ITPR1: variants seen among roughly 807,000 people sequenced by gnomAD.
ITPR1 encodes inositol 1,4,5-trisphosphate-gated calcium channel ITPR1.
A neutral mutation model predicts 318.4 loss-of-function variants in ITPR1; 96 were observed. The ratio of observed to expected loss-of-function variants is 0.30; its 90% CI spans 0.26 to 0.36. The LOEUF is 0.36. Among genes scored for constraint, ITPR1 ranks in the 10% least tolerant of loss-of-function variants. The pLI is 1.00. For missense variants in ITPR1, 2,440 were observed against 3,460.2 expected, an observed-to-expected ratio of 0.71 and a Z score of 7.40; for synonymous variants, 1,312 against 1,289.9, an observed-to-expected ratio of 1.02 and a Z score of -0.37.
rs1289172240 is a variant in ITPR1, at chr3:4,710,443, G to A, written c.4961G>A (p.Arg1654Lys). ...TTCCCAGAGAACACAGACGCCAGAA[G>A]GAAATGTGAAAGTGGCGGTTTCATT... ...LLFPENTDAR[R>K]KCESGGFICK... The change falls in exon 38 of 62, where the codon AGG becomes AAG. Residue 1654 changes from arginine (R) to lysine (K), a missense_variant. Coordinates refer to ENST00000649015, the MANE Select transcript of ITPR1 (RefSeq NM_001378452.1). This position sits in a 1 kb window ranked among gnomAD's most constrained non-coding sequence, Gnocchi z 4.2. 2.6e-6 allele frequency: 4 copies of A among 1,554,190 alleles called. No homozygotes were observed. Among genetic ancestry groups the A allele is most frequent in the East Asian group, 2.4e-5 (1 of 41,180 alleles).
intron 39 of ITPR1, among the ~76,000 whole-genome samples, chr3:4,714,952 T>C (rs936360540): frequency 6.6e-6 from 1 of 152,232 alleles, no homozygotes; most frequent in South Asian, 2.1e-4. Context: ...TTCACTAGTT[T>C]CCTAGATTAT....
chr3:4,544,395 C>T (rs2084764935), intron 4 of ITPR1, among the ~76,000 whole-genome samples: 1 of 152,208 alleles, frequency 6.6e-6, no homozygotes, highest in Admixed American at 6.5e-5. Flanking sequence ...CTTACTCTAG[C>T]CATCTCAAAT....
At chr3:4,587,697 G>A (rs2090041562) in intron 4 of ITPR1, among the ~76,000 whole-genome samples, 1 of 152,108 alleles carries the variant, frequency 6.6e-6, no homozygotes, top group Non-Finnish European at 1.5e-5. Flanking sequence ...ACAACCTACT[G>A]GAGGTAATTG....
chr3:4,808,160 AC>A (rs1292688013), intron 55 of ITPR1, among the ~76,000 whole-genome samples: 1 of 152,216 alleles, frequency 6.6e-6, no homozygotes. Flanking sequence ...GGAGCACATT[AC>A]AGGGACAGCC....
At chr3:4,767,969 C>T (rs1373815199) in intron 45 of ITPR1, among the ~76,000 whole-genome samples, 1 of 152,186 alleles carries the variant, frequency 6.6e-6, no homozygotes, top group Admixed American at 6.5e-5. Flanking sequence ...GTGGAGCCAG[C>T]ATTCGAACCC....
intron 36 of ITPR1, among the ~76,000 whole-genome samples, chr3:4,704,041 G>A (rs1014357435): frequency 5.3e-5 from 8 of 152,162 alleles, no homozygotes; most frequent in African/African-American, 1.9e-4. Flanking sequence ...CACTTAAAGT[G>A]GGAGCTAAAT....
chr3:4,502,819 C>T (rs151087805), intron 2 of ITPR1, among the ~76,000 whole-genome samples: 8 of 152,002 alleles, frequency 5.3e-5, no homozygotes, highest in African/African-American at 9.7e-5. Flanking sequence ...TCGTGGCTCA[C>T]GCCTGTAATC....
intron 61 of ITPR1, among the ~76,000 whole-genome samples, chr3:4,842,657 G>A (rs941273974): frequency 4.6e-5 from 7 of 152,168 alleles, no homozygotes; most frequent in Admixed American, 1.3e-4. Flanking sequence ...ATGCCCAGCC[G>A]TTTTGAGGAT....
intron 20 of ITPR1, 126 bp from the exon 21 acceptor site, chr3:4,673,010 G>T: frequency 1.1e-6 from 1 of 948,118 alleles, no homozygotes; most frequent in Non-Finnish European, 1.6e-6. Context: ...CAATTTAGGG[G>T]TGTTGATGTA....
chr3:4,820,602 C>A (rs191075467), intron 60 of ITPR1, among the ~76,000 whole-genome samples: 1 of 152,202 alleles, frequency 6.6e-6, no homozygotes, highest in Non-Finnish European at 1.5e-5. Context: ...TGTGCTTTCT[C>A]CATCCACATC....
At position 4,837,699 on chromosome 3, in the gene ITPR1, TG is replaced by T. The variant is rs1299723944; in HGVS notation, c.8190+765del. ...TGTTTATACAAAACCGTGCGTACTC[TG>T]TTTCTGCCCTTTTGACTCCATTAAA... On this transcript the variant is annotated intron_variant, in intron 61 of 61. Transcript: ENST00000649015. 8.5e-5 allele frequency among the ~76,000 whole-genome samples: 13 copies of T among 152,194 alleles called. No homozygotes were observed. The South Asian group carries it at 2.7e-3, about 32-fold the overall frequency.
chr3:4,798,210 T>A (rs1204338800), intron 53 of ITPR1, among the ~76,000 whole-genome samples: 3 of 152,208 alleles, frequency 2.0e-5, no homozygotes, highest in African/African-American at 7.2e-5. Flanking sequence ...ATATATCTGA[T>A]AAAAAGCTTA....
intron 3 of ITPR1, among the ~76,000 whole-genome samples, chr3:4,519,446 C>CA (rs1200757227): frequency 6.6e-6 from 1 of 152,132 alleles, no homozygotes; most frequent in Non-Finnish European, 1.5e-5. Context: ...AGAATGGTCT[C>CA]AATCTCTTGA....
At position 4,826,583 on chromosome 3, in the gene ITPR1, T is replaced by C. The variant is rs2050092719; in HGVS notation, c.8028+8341T>C. On this transcript the variant is annotated intron_variant, in intron 60 of 61. Coordinates refer to ENST00000649015, the MANE Select transcript of ITPR1 (RefSeq NM_001378452.1). The surrounding 1 kb of genome is among the most constrained non-coding windows in gnomAD (Gnocchi z 4.2). ...GCCTCTCTCACCCCACCCTGTGCAC[T>C]TGGGCTTGGGTTCGTGTCAGTGGCA... Among the ~76,000 whole-genome samples the C allele has an allele frequency of 6.6e-6, 1 of 152,174 alleles. No homozygotes were observed. The highest frequency in any genetic ancestry group is 1.5e-5 in the Non-Finnish European group (1 of 68,028).
chr3:4,497,141 G>A (rs149163545), intron 2 of ITPR1, among the ~76,000 whole-genome samples: 88 of 152,216 alleles, frequency 5.8e-4, no homozygotes, highest in African/African-American at 1.9e-3. Flanking sequence ...AGTCGGTGAT[G>A]TGAATGACAT....
At chr3:4,523,066 T>G (rs1407901388) in intron 4 of ITPR1, among the ~76,000 whole-genome samples, 4 of 152,192 alleles carry the variant, frequency 2.6e-5, no homozygotes, top group African/African-American at 4.8e-5. Context: ...GCTAATGAAA[T>G]CTAGGCTAAT....
At chr3:4,545,082 C>G (rs1187748187) in intron 4 of ITPR1, among the ~76,000 whole-genome samples, 4 of 152,098 alleles carry the variant, frequency 2.6e-5, no homozygotes, top group Non-Finnish European at 5.9e-5. Flanking sequence ...AGGTGTGAGC[C>G]ACTGTGCTCA....
chr3:4,613,085 C>T (rs181098740), intron 4 of ITPR1, among the ~76,000 whole-genome samples: 3 of 152,098 alleles, frequency 2.0e-5, no homozygotes, highest in Admixed American at 1.3e-4. Context: ...TGCTTTTATA[C>T]GTTTTAGAGA....
chr3:4,758,144 G>A (rs1325814019), intron 44 of ITPR1, among the ~76,000 whole-genome samples: 2 of 152,198 alleles, frequency 1.3e-5, no homozygotes. Context: ...AGCAGCCGTG[G>A]TGAGTGTCAT....
Sources: gnomAD v4.1 joint callset for allele counts (sites outside exome capture counted in the v4.1 genomes callset) on GRCh38, gnomAD v4.1.1 for gene constraint, Gnocchi (gnomAD v3.1) non-coding constraint, MANE v1.5 for transcripts, NCBI Gene and HGNC (gene_info 2026-07-23, HGNC 2026-07-21) for gene names.